B3GALT1: variants seen among roughly 807,000 people sequenced by gnomAD.
B3GALT1 encodes the protein beta-1,3-galactosyltransferase 1.
A neutral mutation model predicts 23.2 loss-of-function variants in B3GALT1; 10 were observed. The observed-to-expected ratio is 0.43, with a 90% CI of 0.27 to 0.73. B3GALT1 has a LOEUF of 0.73. Ranked by LOEUF, B3GALT1 falls within the 30% of genes least tolerant of loss-of-function variation. The pLI, the probability that B3GALT1 is intolerant of heterozygous loss-of-function variation, is 0.21. For synonymous variants in B3GALT1, 156 were observed against 141.5 expected (o/e 1.10, Z -0.73); for missense variants, 299 against 405.4 (o/e 0.74, Z 2.25).
chr2:167,383,635 T>C (rs1019879684), intron 1 of B3GALT1, among the ~76,000 whole-genome samples: 13 of 152,232 alleles, frequency 8.5e-5, no homozygotes, highest in African/African-American at 2.9e-4. Flanking sequence ...TTTTCAGCTC[T>C]GAAACACGCA....
intron 1 of B3GALT1, among the ~76,000 whole-genome samples, chr2:167,464,052 T>C (rs572099907): frequency 7.2e-5 from 11 of 152,322 alleles, no homozygotes; most frequent in African/African-American, 2.2e-4. Context: ...ATCTTTAATC[T>C]TTTATATAAT....
chr2:167,647,295 T>G (rs1685764684), intron 3 of B3GALT1, among the ~76,000 whole-genome samples: 2 of 152,194 alleles, frequency 1.3e-5, no homozygotes, highest in Admixed American at 1.3e-4. Flanking sequence ...ACTTGGCTTA[T>G]ATTTCTTACA....
At chr2:167,536,869 G>C (rs895717201) in intron 2 of B3GALT1, among the ~76,000 whole-genome samples, 2 of 152,064 alleles carry the variant, frequency 1.3e-5, no homozygotes, top group Non-Finnish European at 2.9e-5. Flanking sequence ...AGTTGCAGAA[G>C]AAAATTAAAA....
chr2:167,661,947 A>G (rs745487882), intron 3 of B3GALT1, among the ~76,000 whole-genome samples: 6 of 151,982 alleles, frequency 3.9e-5, no homozygotes, highest in Non-Finnish European at 8.8e-5. Flanking sequence ...TACCTATCTC[A>G]CTCTGGGACA....
intron 4 of B3GALT1, among the ~76,000 whole-genome samples, chr2:167,839,834 T>G (rs1201253848): frequency 3.3e-5 from 5 of 152,142 alleles, no homozygotes; most frequent in South Asian, 2.1e-4. Context: ...AACAGAGATA[T>G]AGATCAATGG....
chr2:167,598,396 T>C (rs116006207), intron 2 of B3GALT1, among the ~76,000 whole-genome samples: 3,260 of 152,222 alleles, frequency 0.021, 54 homozygotes, highest in Non-Finnish European at 0.031. Context: ...TATTAATTTG[T>C]CAAAATCAGG....
intron 3 of B3GALT1, among the ~76,000 whole-genome samples, chr2:167,808,269 G>A (rs558272991): frequency 0.054 from 8,208 of 150,982 alleles, 354 homozygotes; most frequent in Non-Finnish European, 0.075. Context: ...TTGCCAGTCT[G>A]TGTCTTTTAA....
At chr2:167,495,524 G>C (rs1699772240) in intron 2 of B3GALT1, among the ~76,000 whole-genome samples, 1 of 151,874 alleles carries the variant, frequency 6.6e-6, no homozygotes, top group Non-Finnish European at 1.5e-5. Context: ...GTAGAGACAG[G>C]GTTTCTCCAT....
In B3GALT1 at chr2:167,746,937, A is replaced by G. The variant is rs116677506; in HGVS notation, c.-351-71735A>G. Among the ~76,000 whole-genome samples the G allele has an allele frequency of 3.1e-3, 478 of 152,286 alleles. 1 individual carries two copies. Among genetic ancestry groups the G allele is most frequent in the Non-Finnish European group, 5.6e-3 (378 of 68,018 alleles). On this transcript the variant is annotated intron_variant, in intron 3 of 4. Coordinates refer to ENST00000392690, the MANE Select transcript of B3GALT1 (RefSeq NM_020981.4). ...TCTATGTATCTAATAATATATTGTGATAACATTCAGATTAAAGAGATAATT... is the reference window on the plus strand; with the variant it reads ...TCTATGTATCTAATAATATATTGTGGTAACATTCAGATTAAAGAGATAATT...
At chr2:167,632,546 T>G (rs997075600) in intron 2 of B3GALT1, among the ~76,000 whole-genome samples, 4 of 151,996 alleles carry the variant, frequency 2.6e-5, no homozygotes, top group Admixed American at 6.6e-5. Context: ...TAATGACCAG[T>G]GAGAATAAGT....
intron 1 of B3GALT1, among the ~76,000 whole-genome samples, chr2:167,341,017 A>G (rs1173663861): frequency 2.0e-5 from 3 of 152,214 alleles, no homozygotes; most frequent in South Asian, 2.1e-4. Context: ...AATCAAATGG[A>G]AATTCTACAA....
intron 3 of B3GALT1, among the ~76,000 whole-genome samples, chr2:167,777,427 A>G (rs781007952): frequency 9.2e-5 from 14 of 152,128 alleles, no homozygotes; most frequent in Non-Finnish European, 2.1e-4. Flanking sequence ...GCTCACTGCA[A>G]CCTCTGCTTC....
At chr2:167,666,151 CTT>C (rs998170402) in intron 3 of B3GALT1, among the ~76,000 whole-genome samples, 1 of 152,142 alleles carries the variant, frequency 6.6e-6, no homozygotes, top group Non-Finnish European at 1.5e-5. Flanking sequence ...TATGTAGTGT[CTT>C]TGTTCTCGTT....
chr2:167,512,430 A>T (rs2105354952), intron 2 of B3GALT1, among the ~76,000 whole-genome samples: 1 of 149,780 alleles, frequency 6.7e-6, no homozygotes, highest in Non-Finnish European at 1.5e-5. Flanking sequence ...TGCTTTCCTG[A>T]AATAAACCCA....
intron 2 of B3GALT1, among the ~76,000 whole-genome samples, chr2:167,564,999 A>G (rs550461183): frequency 6.2e-4 from 94 of 152,340 alleles, no homozygotes; most frequent in African/African-American, 2.2e-3. Flanking sequence ...ATAATTGGAA[A>G]AAACTACTTT....
intron 4 of B3GALT1, among the ~76,000 whole-genome samples, chr2:167,857,914 C>T (rs371645316): frequency 6.2e-4 from 95 of 152,014 alleles, no homozygotes; most frequent in African/African-American, 2.1e-3. Flanking sequence ...GATTACACTT[C>T]GGATTAAGTT....
chr2:167,541,242 C>T (rs949568065), intron 2 of B3GALT1, among the ~76,000 whole-genome samples: 1 of 152,114 alleles, frequency 6.6e-6, no homozygotes, highest in African/African-American at 2.4e-5. Flanking sequence ...TCAGTTTTAG[C>T]TTTTCTGACT....
chr2:167,535,360 C>T (rs180775648), intron 2 of B3GALT1, among the ~76,000 whole-genome samples: 14 of 152,164 alleles, frequency 9.2e-5, no homozygotes, highest in African/African-American at 3.1e-4. Flanking sequence ...TGTACCAGCC[C>T]ATCATGGGAA....
At chr2:167,664,659 C>T (rs1056403918) in intron 3 of B3GALT1, among the ~76,000 whole-genome samples, 6 of 152,154 alleles carry the variant, frequency 3.9e-5, no homozygotes, top group East Asian at 1.9e-4. Context: ...TTGTAGTTCT[C>T]CTTAAAGAGA....
Sources: gnomAD v4.1 joint callset for allele counts (sites outside exome capture counted in the v4.1 genomes callset) on GRCh38, gnomAD v4.1.1 for gene constraint, MANE v1.5 for transcripts, NCBI Gene and HGNC (gene_info 2026-07-23, HGNC 2026-07-21) for gene names.